PLPPR1: variants seen among roughly 807,000 people sequenced by gnomAD.
PLPPR1 encodes the protein phospholipid phosphatase related 1, also known as phospholipid phosphatase-related protein type 1.
Under a neutral mutation model 33.1 loss-of-function variants are expected in PLPPR1, and 10 were observed. That is an observed-to-expected ratio of 0.30 (90% confidence interval 0.19 to 0.51). PLPPR1 has a LOEUF of 0.51. Among genes scored for constraint, PLPPR1 ranks in the 20% least tolerant of loss-of-function variants. The pLI is 0.97. For synonymous variants in PLPPR1, 151 were observed against 151.0 expected (o/e 1.00, Z 0.00); for missense variants, 304 against 408.1 (o/e 0.74, Z 2.20).
At chr9:101,115,207 A>G (rs1472804624) in intron 1 of PLPPR1, among the ~76,000 whole-genome samples, 1 of 152,236 alleles carries the variant, frequency 6.6e-6, no homozygotes, top group Non-Finnish European at 1.5e-5. Flanking sequence ...CTTCTGGAAG[A>G]TGGCTTTCTT....
At chr9:101,119,498 C>A (rs1224296109) in intron 1 of PLPPR1, among the ~76,000 whole-genome samples, 1 of 152,160 alleles carries the variant, frequency 6.6e-6, no homozygotes, top group Admixed American at 6.5e-5. Context: ...TGTGAGAGTG[C>A]AGGATTGACA....
chr9:101,053,563 A>G (rs1011423888), intron 1 of PLPPR1, among the ~76,000 whole-genome samples: 4 of 152,198 alleles, frequency 2.6e-5, no homozygotes, highest in African/African-American at 9.6e-5. Context: ...CTAACAGGGT[A>G]TTCATGTCCC....
chr9:101,185,144 G>T (rs1293724617), intron 1 of PLPPR1: 2 of 218,626 alleles, frequency 9.1e-6, no homozygotes, highest in African/African-American at 2.3e-5. Flanking sequence ...TGGCATTAGG[G>T]CAGTCTACTG....
chr9:101,060,893 C>A (rs771544508), intron 1 of PLPPR1, among the ~76,000 whole-genome samples: 1 of 151,880 alleles, frequency 6.6e-6, no homozygotes, highest in Non-Finnish European at 1.5e-5. Context: ...TATAATCACT[C>A]CCTCCTTTTT....
At chr9:101,147,343 A>G (rs1831533015) in intron 1 of PLPPR1, among the ~76,000 whole-genome samples, 1 of 152,176 alleles carries the variant, frequency 6.6e-6, no homozygotes, top group Admixed American at 6.6e-5. Context: ...TTTTAGTCTT[A>G]TGAAGGCACC....
intron 2 of PLPPR1, among the ~76,000 whole-genome samples, chr9:101,267,225 A>G (rs527923478): frequency 6.6e-6 from 1 of 152,228 alleles, no homozygotes; most frequent in Non-Finnish European, 1.5e-5. Context: ...TCACTTAACA[A>G]GTCAAGCATA....
At chr9:101,297,591 C>A (rs550430938) in intron 4 of PLPPR1, among the ~76,000 whole-genome samples, 1 of 152,112 alleles carries the variant, frequency 6.6e-6, no homozygotes, top group Non-Finnish European at 1.5e-5. Context: ...GCCTGTCCTC[C>A]CAGGCTTTAA....
intron 2 of PLPPR1, among the ~76,000 whole-genome samples, chr9:101,216,368 G>A (rs1479776899): frequency 6.6e-6 from 1 of 151,512 alleles, no homozygotes; most frequent in Non-Finnish European, 1.5e-5. Context: ...ATTTTGATTG[G>A]ATTTTTTTGT....
chr9:101,301,735 G>C (rs1195368451), intron 4 of PLPPR1, among the ~76,000 whole-genome samples: 1 of 152,142 alleles, frequency 6.6e-6, no homozygotes, highest in Non-Finnish European at 1.5e-5. Flanking sequence ...GAATGTGTTT[G>C]TCATACTAGA....
chr9:101,182,547 A>T (rs1355557841), intron 1 of PLPPR1, among the ~76,000 whole-genome samples: 1 of 151,744 alleles, frequency 6.6e-6, no homozygotes, highest in Non-Finnish European at 1.5e-5. Context: ...TAATGGGAAC[A>T]GGGCTTGCTT....
chr9:101,183,309 G>A (rs1298947143), intron 1 of PLPPR1, among the ~76,000 whole-genome samples: 1 of 151,692 alleles, frequency 6.6e-6, no homozygotes, highest in Non-Finnish European at 1.5e-5. Flanking sequence ...CCATACAATG[G>A]AATATTATTC....
chr9:101,095,009 G>A (rs543148274), intron 1 of PLPPR1, among the ~76,000 whole-genome samples: 6 of 152,136 alleles, frequency 3.9e-5, no homozygotes, highest in Non-Finnish European at 7.4e-5. Context: ...CTGTGTTGTC[G>A]ATGGCCTTGC....
chr9:101,256,446 T>A (rs1255402684), intron 2 of PLPPR1, among the ~76,000 whole-genome samples: 1 of 151,776 alleles, frequency 6.6e-6, no homozygotes, highest in East Asian at 1.9e-4. Flanking sequence ...TTGTGAGGAG[T>A]TGAGGAGCTC....
At chr9:101,142,670 A>T (rs1260992762) in intron 1 of PLPPR1, among the ~76,000 whole-genome samples, 1 of 151,786 alleles carries the variant, frequency 6.6e-6, no homozygotes, top group Non-Finnish European at 1.5e-5. Context: ...CTCTCCTAAA[A>T]CTCACTCTCT....
intron 1 of PLPPR1, among the ~76,000 whole-genome samples, chr9:101,167,199 TCA>T (rs1192955125): frequency 1.2e-4 from 6 of 51,746 alleles, no homozygotes; most frequent in African/African-American, 2.1e-4. Context: ...TCTCTCTCTC[TCA>T]CACACACACA....
intron 1 of PLPPR1, among the ~76,000 whole-genome samples, chr9:101,163,681 T>C (rs1340368774): frequency 6.6e-6 from 1 of 152,120 alleles, no homozygotes; most frequent in Non-Finnish European, 1.5e-5. Context: ...AGCCAGCAAG[T>C]ACTAAGACAA....
intron 1 of PLPPR1, among the ~76,000 whole-genome samples, chr9:101,137,930 C>T (rs2567306): frequency 6.6e-6 from 1 of 152,046 alleles, no homozygotes; most frequent in Non-Finnish European, 1.5e-5. Context: ...AGCAAGTGGC[C>T]GATGCAGGAT....
At chr9:101,126,105 T>A (rs1244853390) in intron 1 of PLPPR1, among the ~76,000 whole-genome samples, 1 of 152,156 alleles carries the variant, frequency 6.6e-6, no homozygotes, top group East Asian at 1.9e-4. Flanking sequence ...TACAAATAGG[T>A]CTTTTGTCAG....
At chr9:101,113,590 G>T (rs1164149091) in intron 1 of PLPPR1, among the ~76,000 whole-genome samples, 1 of 151,666 alleles carries the variant, frequency 6.6e-6, no homozygotes, top group Non-Finnish European at 1.5e-5. Flanking sequence ...TATTGAATAT[G>T]CTTGGGGGAA....
Sources: gnomAD v4.1 joint callset for allele counts (sites outside exome capture counted in the v4.1 genomes callset) on GRCh38, gnomAD v4.1.1 for gene constraint, MANE v1.5 for transcripts, NCBI Gene and HGNC (gene_info 2026-07-23, HGNC 2026-07-21) for gene names.